IL7: variants seen among roughly 807,000 people sequenced by gnomAD.
IL7 encodes interleukin-7.
IL7 carries 3 observed loss-of-function variants against 21.6 expected under a neutral mutation model. That is an observed-to-expected ratio of 0.14 (90% CI 0.06 to 0.36). The LOEUF (loss-of-function observed/expected upper bound fraction) is 0.36. IL7 is among the 10% of genes least tolerant of loss of function. The pLI is 1.00. For synonymous variants in IL7, 62 were observed against 68.1 expected (o/e 0.91, Z 0.44); for missense variants, 175 against 200.2 (o/e 0.87, Z 0.76).
At position 78,765,405 on chromosome 8, in the gene IL7, T is replaced by G. The variant is rs113700217; in HGVS notation, c.148-25323A>C. ...GAGAATGAGATTACAAGCCACAGACTGGAAAAAATATTTACAAAAGACATA... is the reference window on the plus strand; with the variant it reads ...GAGAATGAGATTACAAGCCACAGACGGGAAAAAATATTTACAAAAGACATA... On this transcript the variant is annotated intron_variant, in intron 2 of 5. Coordinates refer to ENST00000263851, the MANE Select transcript of IL7 (RefSeq NM_000880.4). Among the ~76,000 whole-genome samples, 521 of 151,812 alleles carry G rather than the reference T, an allele frequency of 3.4e-3. 3 individuals are homozygous for G. Among genetic ancestry groups the G allele is most frequent in the African/African-American group, 0.012 (487 of 41,486 alleles).
chr8:78,794,603 C>T (rs1210413106), intron 2 of IL7, among the ~76,000 whole-genome samples: 2 of 152,056 alleles, frequency 1.3e-5, no homozygotes, highest in African/African-American at 4.8e-5. Context: ...TTTAGTGTAG[C>T]CACTTTTACC....
At chr8:78,735,745 C>G (rs762504234) in intron 5 of IL7, among the ~76,000 whole-genome samples, 37 of 152,172 alleles carry the variant, frequency 2.4e-4, no homozygotes, top group Non-Finnish European at 4.3e-4. Context: ...AGTGTACAGG[C>G]TCACTTTGCT....
At chr8:78,800,284 A>G (rs1485280197) in intron 1 of IL7, among the ~76,000 whole-genome samples, 2 of 152,124 alleles carry the variant, frequency 1.3e-5, no homozygotes, top group African/African-American at 4.8e-5. Context: ...GTATACATAT[A>G]CCACATTTTC....
intron 2 of IL7, chr8:78,746,787 C>T (rs1330699496): frequency 3.0e-6 from 1 of 334,854 alleles, no homozygotes; most frequent in Non-Finnish European, 5.8e-6. Flanking sequence ...GTGTTTGTAG[C>T]AAAAACTGAC....
chr8:78,686,367 G>A, intron 3 of IL7: 1 of 1,032,088 alleles, frequency 9.7e-7, no homozygotes, highest in East Asian at 3.2e-5. Flanking sequence ...CCTGATAAGA[G>A]AACATTTAAA....
At chr8:78,788,291 G>A (rs1032623220) in intron 2 of IL7, among the ~76,000 whole-genome samples, 3 of 151,794 alleles carry the variant, frequency 2.0e-5, no homozygotes, top group Admixed American at 2.0e-4. Context: ...GATTAATTTA[G>A]TTTTAATTTT....
chr8:78,732,910 ATATAT>A lies in IL7; in HGVS notation c.*798_*802del, dbSNP rs1811456018. 1.3e-5 allele frequency: 2 copies of A among 152,000 alleles called. No homozygotes were observed. Among genetic ancestry groups the A allele is most frequent in the South Asian group, 4.2e-4 (2 of 4,818 alleles). 9.4% of individuals were successfully genotyped at this position (152,000 alleles called of 1,614,324 possible). ...ATATTTCATTAATTAAAAGGTAAAC[ATATAT>A]TATTATCTTAAAAATATATCTCCCA... is the stretch of plus-strand genomic sequence containing the variant. On this transcript the variant is annotated 3_prime_UTR_variant, in exon 6 of 6. Transcript: ENST00000263851.
At chr8:78,749,984 T>C (rs1427442345) in intron 2 of IL7, among the ~76,000 whole-genome samples, 3 of 152,004 alleles carry the variant, frequency 2.0e-5, no homozygotes, top group Non-Finnish European at 2.9e-5. Context: ...CAGTGAGCCA[T>C]GATTTATATC....
chr8:78,746,251 C>T (rs73687547), intron 2 of IL7, among the ~76,000 whole-genome samples: 1,847 of 152,246 alleles, frequency 0.012, 34 homozygotes, highest in African/African-American at 0.041. Context: ...GCTGCCTAAC[C>T]GGGAGCTTCT....
chr8:78,741,046 A>G (rs190779625), intron 2 of IL7, among the ~76,000 whole-genome samples: 3 of 152,316 alleles, frequency 2.0e-5, no homozygotes, highest in Admixed American at 2.0e-4. Flanking sequence ...ACTGAAAGCA[A>G]TCTTAGCCTA....
downstream of IL7, among the ~76,000 whole-genome samples, chr8:78,716,232 C>T (rs1225960958): frequency 6.6e-6 from 1 of 151,490 alleles, no homozygotes; most frequent in Non-Finnish European, 1.5e-5. Context: ...ACGCCATTCT[C>T]CTGCCTCAGC....
At chr8:78,686,478 A>G (rs1809977428) in intron 3 of IL7, 3 of 1,503,826 alleles carry the variant, frequency 2.0e-6, no homozygotes, top group Non-Finnish European at 2.7e-6. Context: ...CAGAACCACC[A>G]AAGAAACCAT....
chr8:78,787,268 G>T (rs1212993124), intron 2 of IL7, among the ~76,000 whole-genome samples: 5 of 152,168 alleles, frequency 3.3e-5, no homozygotes, highest in Admixed American at 2.0e-4. Context: ...TGAAATGGGG[G>T]TGGAGGGGGA....
At position 78,773,207 on chromosome 8, in the gene IL7, C is replaced by T. The variant is rs190962734; in HGVS notation, c.147+24865G>A. On this transcript the variant is annotated intron_variant, in intron 2 of 5. Coordinates refer to ENST00000263851, the MANE Select transcript of IL7 (RefSeq NM_000880.4). ...CAGGGTGCATTCACACACACCTACA[C>T]TCAGACTAGGACCATGTCGACATAC... is the stretch of plus-strand genomic sequence containing the variant. Among the ~76,000 whole-genome samples the T allele has an allele frequency of 2.5e-3, 374 of 152,194 alleles. 2 individuals carry two copies. The highest frequency in any genetic ancestry group is 8.4e-3 in the African/African-American group (348 of 41,554).
rs539995457 is a variant in IL7 at position 78,693,772 on chromosome 8, A to C, written n.215-7825T>G. On this transcript the variant is annotated intron_variant and non_coding_transcript_variant, in intron 3 of 4. Coordinates refer to the IL7 transcript ENST00000523959. ...TTTGTCAATTTTGGCTTTTGTTGCC[A>C]TTGCTTTTGGTGTTTTAGACATGAA... is the stretch of plus-strand genomic sequence containing the variant. Among the ~76,000 whole-genome samples, 133 of 152,248 alleles carry C rather than the reference A, an allele frequency of 8.7e-4. 2 individuals carry two copies. Among genetic ancestry groups the C allele is most frequent in the Non-Finnish European group, 1.7e-3 (115 of 68,016 alleles).
downstream of IL7, among the ~76,000 whole-genome samples, chr8:78,713,685 G>A (rs1376760102): frequency 6.6e-6 from 1 of 152,124 alleles, no homozygotes; most frequent in Non-Finnish European, 1.5e-5. Context: ...TTGAAGTTTA[G>A]AAGTAATTTA....
downstream of IL7, among the ~76,000 whole-genome samples, chr8:78,715,858 G>T (rs1811084417): frequency 6.6e-6 from 1 of 151,630 alleles, no homozygotes; most frequent in African/African-American, 2.4e-5. Context: ...TGGCCAACAT[G>T]GTGAAACCCT....
In IL7 at chr8:78,799,399, A is replaced by G. The variant is rs937145210; in HGVS notation, c.11-1191T>C. On this transcript the variant is annotated intron_variant, in intron 1 of 5. Transcript: ENST00000263851. ...TCAAGTGACCCATGTTGTTACAAAT[A>G]GAGAAAATTTTCTGGGTAGCAATTA... 2.6e-5 allele frequency among the ~76,000 whole-genome samples: 4 copies of G among 152,204 alleles called. No homozygotes were observed. In the East Asian group the frequency reaches 5.8e-4, roughly 22 times the overall value.
chr8:78,758,220 C>T (rs1812420253), intron 2 of IL7, among the ~76,000 whole-genome samples: 1 of 152,030 alleles, frequency 6.6e-6, no homozygotes, highest in Non-Finnish European at 1.5e-5. Flanking sequence ...ACCCATTCAG[C>T]CAGTCTATAC....
Sources: gnomAD v4.1 joint callset for allele counts (sites outside exome capture counted in the v4.1 genomes callset) on GRCh38, gnomAD v4.1.1 for gene constraint, MANE v1.5 for transcripts, NCBI Gene and HGNC (gene_info 2026-07-23, HGNC 2026-07-21) for gene names.